FSTL5: variants seen among roughly 807,000 people sequenced by gnomAD.
The protein encoded by FSTL5 is follistatin like 5.
FSTL5 carries 62 observed loss-of-function variants against 89.1 expected under a neutral mutation model. The observed-to-expected ratio is 0.70, with a 90% CI of 0.57 to 0.86. FSTL5 has a LOEUF of 0.86. Among genes scored for constraint, FSTL5 ranks in the 40% least tolerant of loss-of-function variants. The pLI is 0.00. For missense variants in FSTL5, 1,057 were observed against 1,001.6 expected, an observed-to-expected ratio of 1.06 and a Z score of -0.75; for synonymous variants, 383 against 346.2, an observed-to-expected ratio of 1.11 and a Z score of -1.18.
At chr4:161,725,969 C>G (rs1739387391) in intron 6 of FSTL5, among the ~76,000 whole-genome samples, 1 of 152,052 alleles carries the variant, frequency 6.6e-6, no homozygotes, top group Non-Finnish European at 1.5e-5. Context: ...TTTTCATCAA[C>G]CTAATATAAA....
At chr4:161,675,999 A>G (rs1230298022) in intron 6 of FSTL5, among the ~76,000 whole-genome samples, 1 of 152,158 alleles carries the variant, frequency 6.6e-6, no homozygotes, top group Non-Finnish European at 1.5e-5. Context: ...ATCACATCAG[A>G]TAAGTGCAAG....
intron 7 of FSTL5, among the ~76,000 whole-genome samples, chr4:161,590,794 G>C (rs1733788341): frequency 6.6e-6 from 1 of 152,176 alleles, no homozygotes; most frequent in African/African-American, 2.4e-5. Context: ...CATTGCTAGT[G>C]AGAAGATTAA....
rs182085953 is a variant in FSTL5 at position 161,908,701 on chromosome 4, C to A, written c.409+11703G>T. 9.9e-4 allele frequency among the ~76,000 whole-genome samples: 151 copies of A among 152,124 alleles called. 1 individual carries two copies. The highest frequency in any genetic ancestry group is 3.1e-3 in the African/African-American group (127 of 41,510). On this transcript the variant is annotated intron_variant, in intron 4 of 15. Transcript: ENST00000306100. ...AATATGCATAACTTAGAAATTAAGTCAAAAATGTTTTAGCTGCCCAAAACT... is the reference window on the plus strand; with the variant it reads ...AATATGCATAACTTAGAAATTAAGTAAAAAATGTTTTAGCTGCCCAAAACT...
intron 5 of FSTL5, among the ~76,000 whole-genome samples, chr4:161,764,812 C>T (rs1740935126): frequency 6.6e-6 from 1 of 152,086 alleles, no homozygotes; most frequent in African/African-American, 2.4e-5. Context: ...TCTTGACCAT[C>T]TAAAGTAAAG....
At chr4:161,666,587 T>C (rs1399351118) in intron 6 of FSTL5, among the ~76,000 whole-genome samples, 2 of 152,116 alleles carry the variant, frequency 1.3e-5, no homozygotes, top group Non-Finnish European at 2.9e-5. Flanking sequence ...AGAGTTTAGC[T>C]GTTATAAAGC....
intron 8 of FSTL5, among the ~76,000 whole-genome samples, chr4:161,571,119 T>A (rs1045414949): frequency 2.4e-4 from 36 of 149,274 alleles, no homozygotes; most frequent in African/African-American, 8.9e-4. Context: ...AAAAAAAAAA[T>A]AGACTCCAAG....
At chr4:162,002,492 G>A (rs944043345) in intron 3 of FSTL5, among the ~76,000 whole-genome samples, 9 of 152,124 alleles carry the variant, frequency 5.9e-5, no homozygotes, top group African/African-American at 1.9e-4. Context: ...TAGTTTAATT[G>A]TGGGATTATA....
chr4:162,148,838 A>G (rs1389284578), intron 1 of FSTL5, among the ~76,000 whole-genome samples: 5 of 152,220 alleles, frequency 3.3e-5, no homozygotes, highest in African/African-American at 9.6e-5. Flanking sequence ...TGCAGCATCT[A>G]TAATTCTAAA....
At chr4:161,816,774 A>G (rs186744137) in intron 4 of FSTL5, among the ~76,000 whole-genome samples, 7 of 152,344 alleles carry the variant, frequency 4.6e-5, no homozygotes, top group Admixed American at 4.6e-4. Flanking sequence ...TCAAAGGGCA[A>G]TAACTGGTCT....
At chr4:162,143,505 T>C (rs970902395) in intron 1 of FSTL5, among the ~76,000 whole-genome samples, 2 of 152,188 alleles carry the variant, frequency 1.3e-5, no homozygotes, top group Non-Finnish European at 2.9e-5. Flanking sequence ...TCCATGCTAA[T>C]TGCATATAAA....
intron 15 of FSTL5, among the ~76,000 whole-genome samples, chr4:161,411,733 T>C (rs1420953174): frequency 2.6e-5 from 4 of 152,156 alleles, no homozygotes; most frequent in African/African-American, 9.7e-5. Context: ...AATATCATAC[T>C]GAATGGGCAA....
chr4:161,594,323 T>C (rs892919310), intron 7 of FSTL5, among the ~76,000 whole-genome samples: 4 of 152,192 alleles, frequency 2.6e-5, no homozygotes, highest in African/African-American at 7.2e-5. Flanking sequence ...CAAAATGGTA[T>C]ATTCATATTT....
chr4:161,957,755 C>T (rs1251573193), intron 3 of FSTL5, among the ~76,000 whole-genome samples: 4 of 152,068 alleles, frequency 2.6e-5, no homozygotes, highest in Non-Finnish European at 2.9e-5. Flanking sequence ...TACCTAACTA[C>T]ACATACTTAA....
rs190656615 is a variant in FSTL5 at position 161,669,133 on chromosome 4, T to G, written c.728-12639A>C. ...TCTCAAAAAAAAAAAAAAAATAAAA[T>G]AAAATAAAAGAAAAAGAAAAATAAA... On this transcript the variant is annotated intron_variant, in intron 6 of 15. Transcript: ENST00000306100. 4.6e-3 allele frequency among the ~76,000 whole-genome samples: 646 copies of G among 139,086 alleles called. 8 individuals are homozygous for G. The highest frequency in any genetic ancestry group is 0.035 in the South Asian group (154 of 4,360). 91.2% of individuals were successfully genotyped at this position (139,086 alleles called of 152,430 possible).
chr4:161,804,718 T>C (rs920619163), intron 4 of FSTL5, among the ~76,000 whole-genome samples: 1 of 152,052 alleles, frequency 6.6e-6, no homozygotes, highest in Admixed American at 6.6e-5. Flanking sequence ...AGATTAATCA[T>C]GTATTCAGTT....
intron 4 of FSTL5, among the ~76,000 whole-genome samples, chr4:161,844,221 C>T (rs1731299117): frequency 1.3e-5 from 2 of 152,038 alleles, no homozygotes; most frequent in South Asian, 4.1e-4. Context: ...TAGAGAAATG[C>T]AAATCAAAAT....
intron 7 of FSTL5, among the ~76,000 whole-genome samples, chr4:161,600,294 C>T (rs1490395581): frequency 6.6e-6 from 1 of 150,856 alleles, no homozygotes; most frequent in African/African-American, 2.4e-5. Flanking sequence ...ATACGAAGAG[C>T]AGCAAAAAAA....
chr4:161,675,062 G>C (rs900976275), intron 6 of FSTL5, among the ~76,000 whole-genome samples: 2 of 152,066 alleles, frequency 1.3e-5, no homozygotes, highest in African/African-American at 4.8e-5. Context: ...CAAGAATATA[G>C]ATAAAGCAGG....
intron 6 of FSTL5, among the ~76,000 whole-genome samples, chr4:161,758,606 C>A (rs949409439): frequency 1.3e-5 from 2 of 152,102 alleles, no homozygotes; most frequent in African/African-American, 2.4e-5. Flanking sequence ...GCAACCTCCG[C>A]CCCCGGGTTC....
Sources: gnomAD v4.1 joint callset for allele counts (sites outside exome capture counted in the v4.1 genomes callset) on GRCh38, gnomAD v4.1.1 for gene constraint, MANE v1.5 for transcripts, NCBI Gene and HGNC (gene_info 2026-07-23, HGNC 2026-07-21) for gene names.